Variants in COL17A1 observed in about 807,000 individuals in gnomAD.
The protein encoded by COL17A1 is collagen alpha-1(XVII) chain.
Under a neutral mutation model 218.4 loss-of-function variants are expected in COL17A1, and 181 were observed. The ratio of observed to expected loss-of-function variants is 0.83; its 90% CI spans 0.73 to 0.94. The LOEUF is 0.94. COL17A1 is among the 40% of genes least tolerant of loss of function. The pLI is 0.00. For missense variants in COL17A1, 1,924 were observed against 1,945.9 expected (o/e 0.99, Z 0.21); for synonymous variants, 721 against 731.0 (o/e 0.99, Z 0.22).
intron 13 of COL17A1, 135 bp downstream of exon 13, chr10:104,061,270 G>T: frequency 2.4e-6 from 2 of 851,034 alleles, no homozygotes; most frequent in Non-Finnish European, 3.7e-6. Flanking sequence ...GCGTTTGCAG[G>T]CCTAAGACCA....
rs76165165 is a variant in COL17A1 at position 104,035,643 on chromosome 10, G to A, written c.3419-80C>T. 0.033 allele frequency: 37,715 copies of A among 1,136,546 alleles called. 808 individuals carry two copies. The highest frequency in any genetic ancestry group is 0.043 in the Middle Eastern group (164 of 3,780). The allele number at this position is 1,136,546 out of a possible 1,614,324, so 70.4% of individuals were successfully genotyped here. ...CAGAGAGGAGGTCGGATACAGAAGAGGTTTGGACAGAAGTGGGGTCCAAGA... is the reference window on the plus strand; with the variant it reads ...CAGAGAGGAGGTCGGATACAGAAGAAGTTTGGACAGAAGTGGGGTCCAAGA... On this transcript the variant is annotated intron_variant, in intron 48 of 55. Coordinates refer to ENST00000648076, the MANE Select transcript of COL17A1 (RefSeq NM_000494.4).
chr10:104,034,189 G>T lies in COL17A1; in HGVS notation c.3912C>A (p.Gly1304=). 1 of 1,613,354 alleles carries T rather than the reference G, an allele frequency of 6.2e-7. No homozygotes were observed. The highest frequency in any genetic ancestry group is 8.5e-7 in the Non-Finnish European group (1 of 1,179,934). ...TGCTCATGGAAGAGCTGTAGGAGCT[G>T]CCCCGCCTGACAGATGAGCTGTGTG... ...SSSHSSSVRR[G]SSYSSSMSTG... is the part of the protein sequence containing the mutation. Residue 1304 remains glycine (G), a synonymous_variant, in exon 52 of 56, where the codon GGC becomes GGA. Transcript: ENST00000648076.
At chr10:104,065,583 T>C (rs2086619823) in intron 9 of COL17A1, among the ~76,000 whole-genome samples, 1 of 152,212 alleles carries the variant, frequency 6.6e-6, no homozygotes, top group African/African-American at 2.4e-5. Flanking sequence ...AGAGGAGACA[T>C]TTAATAAATA....
At chr10:104,074,039 G>A (rs1242276865) in intron 6 of COL17A1, 145 bp downstream of exon 6, 2 of 1,297,560 alleles carry the variant, frequency 1.5e-6, no homozygotes, top group Non-Finnish European at 2.2e-6. Context: ...AAAAAGCAAG[G>A]GAAAAATAGG....
chr10:104,043,724 A>G (rs1279440667), intron 34 of COL17A1, 101 bp downstream of exon 34: 2 of 1,554,020 alleles, frequency 1.3e-6, no homozygotes, highest in Non-Finnish European at 1.8e-6. Flanking sequence ...TACTGATCCA[A>G]AAAACTCCCA....
rs1329955127 is a variant in COL17A1, at chr10:104,076,512, C to T, written c.203-83G>A. Reference sequence around the variant, plus strand: ...GCTACTGTGACCCAGCTATATTAACCAAGTACACTCAGGGAGGGTCTTCGG... The same window carrying T: ...GCTACTGTGACCCAGCTATATTAACTAAGTACACTCAGGGAGGGTCTTCGG... On this transcript the variant is annotated intron_variant, in intron 4 of 55. Coordinates refer to ENST00000648076, the MANE Select transcript of COL17A1 (RefSeq NM_000494.4). The T allele has an allele frequency of 3.8e-6, 6 of 1,591,976 alleles. No individual in the cohort carries two copies. The Admixed American group carries it at 5.0e-5, about 13-fold the overall frequency.
At chr10:104,083,573 T>C (rs116899385) in intron 1 of COL17A1, among the ~76,000 whole-genome samples, 1,596 of 152,376 alleles carry the variant, frequency 0.01, 12 homozygotes, top group Non-Finnish European at 0.016. Flanking sequence ...AAATCATTTT[T>C]CTACTTTTAT....
At chr10:104,037,880 T>A (rs1056428205) in intron 45 of COL17A1, 107 bp from the exon 46 acceptor site, 1 of 1,415,808 alleles carries the variant, frequency 7.1e-7, no homozygotes, top group South Asian at 1.2e-5. Context: ...GCCCCACACA[T>A]GGGCCCAAGG....
intron 13 of COL17A1, 35 bp from the exon 14 acceptor site, chr10:104,060,315 A>C: frequency 6.2e-7 from 1 of 1,612,634 alleles, no homozygotes; most frequent in Non-Finnish European, 8.5e-7. Flanking sequence ...AAGGAAGGAC[A>C]TGTGCCAGGA....
Position 104,043,589 on chromosome 10 carries a change from C to T in COL17A1, c.2435-8G>A, listed in dbSNP as rs531156977. 1.9e-6 allele frequency: 3 copies of T among 1,613,988 alleles called. No homozygotes were observed. The highest frequency in any genetic ancestry group is 1.1e-5 in the South Asian group (1 of 91,060). ...TGAGCATCGATGACCCCTCTGAAAA[C>T]AGAAGGCACATGGAACATTGAGCCC... On this transcript the variant is annotated splice_polypyrimidine_tract_variant and splice_region_variant and intron_variant, in intron 34 of 55. Transcript: ENST00000648076.
At chr10:104,042,059 C>A (rs915239589) in intron 36 of COL17A1, among the ~76,000 whole-genome samples, 3 of 152,150 alleles carry the variant, frequency 2.0e-5, no homozygotes, top group African/African-American at 7.2e-5. Flanking sequence ...GTGGGAGGCC[C>A]GGCAGTCTCC....
chr10:104,048,097 A>C lies in COL17A1; in HGVS notation c.2235T>G (p.Ala745=), dbSNP rs149841873. 2.7e-4 allele frequency: 440 copies of C among 1,613,990 alleles called. No individual in the cohort carries two copies. The African/African-American group carries it at 5.0e-3, about 18-fold the overall frequency. ...TTGGGCCTTGGTGTCCGTCTGGGCCAGCAGGACCTGGTAAAGTAGAAGCAA... is the reference window on the plus strand; with the variant it reads ...TTGGGCCTTGGTGTCCGTCTGGGCCCGCAGGACCTGGTAAAGTAGAAGCAA... ...EPGAKGAMGP[A]GPDGHQGPRG... Residue 745 remains alanine (A), a synonymous_variant, in exon 30 of 56, where the codon GCT becomes GCG. Coordinates refer to ENST00000648076, the MANE Select transcript of COL17A1 (RefSeq NM_000494.4).
chr10:104,036,417 A>G, intron 48 of COL17A1, 75 bp downstream of exon 48: 9 of 1,596,120 alleles, frequency 5.6e-6, no homozygotes, highest in Non-Finnish European at 7.7e-6. Flanking sequence ...GGGCAATCAC[A>G]GGGAAGTTCA....
intron 22 of COL17A1, 38 bp downstream of exon 22, chr10:104,053,882 A>G: frequency 1.7e-6 from 2 of 1,190,974 alleles, no homozygotes; most frequent in South Asian, 2.5e-5. Context: ...GAATGAAAGA[A>G]TGAGGAATAA....
Position 104,057,189 on chromosome 10 carries a change from G to GA in COL17A1, c.1268-18dup, listed in dbSNP as rs2086538472. On this transcript the variant is annotated splice_polypyrimidine_tract_variant and intron_variant, in intron 16 of 55. Coordinates refer to ENST00000648076, the MANE Select transcript of COL17A1 (RefSeq NM_000494.4). Reference sequence around the variant, plus strand: ...TGTGGATATCTGTGAAAGAGACAGGGAAAATGAAGCAAATGCAGGCAGCTC... The same window carrying GA: ...TGTGGATATCTGTGAAAGAGACAGGGAAAAATGAAGCAAATGCAGGCAGCTC... 1.3e-5 allele frequency: 21 copies of GA among 1,613,794 alleles called. No homozygotes were observed. Among genetic ancestry groups the GA allele is most frequent in the African/African-American group, 2.7e-5 (2 of 74,910 alleles).
rs1266183072 is a variant in COL17A1, at chr10:104,036,544, G to A, written c.3366C>T (p.Leu1122=). 2 of 1,613,974 alleles carry A rather than the reference G, an allele frequency of 1.2e-6. No homozygotes were observed. The highest frequency in any genetic ancestry group is 1.7e-6 in the Non-Finnish European group (2 of 1,179,936). ...GPPGASGDGS[L]LSLDYAELSS... ...TCAGCTCTGCATAGTCCAAAGACAG[G>A]AGGGACCCATCTCCACTGGCTCCTG... Residue 1122 remains leucine, a synonymous_variant, in exon 48 of 56, where the codon CTC becomes CTT. Transcript: ENST00000648076.
intron 47 of COL17A1, 125 bp from the exon 48 acceptor site, chr10:104,036,757 C>T (rs1256687699): frequency 6.6e-6 from 8 of 1,204,132 alleles, no homozygotes; most frequent in African/African-American, 5.9e-5. Context: ...GTTCTGGGTC[C>T]GCAGGACCAC....
At position 104,037,735 on chromosome 10, in the gene COL17A1, G is replaced by T. The variant is rs751255452; in HGVS notation, c.3109C>A (p.Pro1037Thr). 6.2e-7 allele frequency: 1 copy of T among 1,614,136 alleles called. No homozygotes were observed. Among genetic ancestry groups the T allele is most frequent in the Admixed American group, 1.7e-5 (1 of 60,026 alleles). The change falls in exon 46 of 56, where the codon CCC becomes ACC. Residue 1037 changes from proline to threonine, a missense_variant. Pro to Thr is a conservative substitution (Grantham distance 38). Coordinates refer to ENST00000648076, the MANE Select transcript of COL17A1 (RefSeq NM_000494.4). ...CCTGGGGGACCAGGTGGGCCTGGGG[G>T]ACCCTGAACTCCGGATAGGTAAGAT... ...IRSYLSGVQG[P>T]PGPPGPPGPV... is the part of the protein sequence containing the mutation.
intron 18 of COL17A1, 70 bp from the exon 19 acceptor site, chr10:104,055,471 C>A: frequency 6.7e-7 from 1 of 1,495,934 alleles, no homozygotes; most frequent in Non-Finnish European, 9.3e-7. Flanking sequence ...CACACACACA[C>A]ACACACACAC....
Sources: allele counts gnomAD v4.1 joint callset (sites outside exome capture counted in the v4.1 genomes callset), GRCh38; gene constraint gnomAD v4.1.1; transcripts MANE v1.5; gene names NCBI Gene and HGNC (gene_info 2026-07-23, HGNC 2026-07-21).